Variants in ATL1 observed in about 807,000 individuals in gnomAD.
The protein encoded by ATL1 is atlastin GTPase 1.
ATL1 carries 31 observed loss-of-function variants against 75.5 expected under a neutral mutation model. The observed-to-expected ratio is 0.41, with a 90% CI of 0.31 to 0.55. The LOEUF is 0.55. ATL1 is among the 20% of genes least tolerant of loss of function. ATL1 has a pLI of 0.27. For synonymous variants in ATL1, 226 were observed against 233.3 expected (o/e 0.97, Z 0.28); for missense variants, 405 against 662.6 (o/e 0.61, Z 4.27).
chr14:50,549,041 G>T (rs1051080924), intron 1 of ATL1, among the ~76,000 whole-genome samples: 24 of 152,084 alleles, frequency 1.6e-4, no homozygotes, highest in African/African-American at 5.8e-4. Flanking sequence ...TACAACAAAG[G>T]GGTGCCCTGT....
intron 1 of ATL1, among the ~76,000 whole-genome samples, chr14:50,552,198 A>G (rs1186838364): frequency 6.6e-6 from 1 of 152,188 alleles, no homozygotes; most frequent in East Asian, 1.9e-4. Context: ...AATCAGTAGC[A>G]CTGCTATATA....
intron 1 of ATL1, among the ~76,000 whole-genome samples, chr14:50,575,977 A>G (rs1225255128): frequency 6.6e-6 from 1 of 152,174 alleles, no homozygotes; most frequent in Admixed American, 6.5e-5. Context: ...CCAAGTGTAT[A>G]AAAAGGTGAA....
chr14:50,552,823 A>G (rs887954395), intron 1 of ATL1, among the ~76,000 whole-genome samples: 1 of 152,206 alleles, frequency 6.6e-6, no homozygotes, highest in Non-Finnish European at 1.5e-5. Context: ...GTAGAATGAA[A>G]CTGGATCCTC....
At chr14:50,621,807 A>G (rs761128367) in intron 9 of ATL1, 36 bp from the exon 10 acceptor site, 2 of 1,294,310 alleles carry the variant, frequency 1.5e-6, no homozygotes, top group East Asian at 2.3e-5. Context: ...TATTGAATGG[A>G]ATTGCTTGAA....
chr14:50,563,039 T>C (rs540086064), intron 1 of ATL1, among the ~76,000 whole-genome samples: 3 of 152,370 alleles, frequency 2.0e-5, no homozygotes, highest in African/African-American at 7.2e-5. Flanking sequence ...CCAGGATTCC[T>C]GCTCTGGCAG....
At chr14:50,563,483 T>G (rs74624239) in intron 1 of ATL1, among the ~76,000 whole-genome samples, 5,328 of 152,210 alleles carry the variant, frequency 0.035, 95 homozygotes, top group Middle Eastern at 0.058. Context: ...GTAAGTATTT[T>G]TCAGACAAGT....
chr14:50,592,942 ATATATG>A (rs1309191113), intron 4 of ATL1, among the ~76,000 whole-genome samples: 2 of 131,804 alleles, frequency 1.5e-5, no homozygotes, highest in African/African-American at 6.6e-5. Flanking sequence ...ATATATATAT[ATATATG>A]TGTGTGTGTG....
At chr14:50,585,514 G>A (rs2039093828) in intron 1 of ATL1, among the ~76,000 whole-genome samples, 2 of 152,182 alleles carry the variant, frequency 1.3e-5, no homozygotes, top group South Asian at 4.1e-4. Context: ...CCTTTGTACT[G>A]AGACTGAAAT....
chr14:50,595,013 CAAAA>C (rs1313269945), intron 5 of ATL1, among the ~76,000 whole-genome samples: 3 of 126,814 alleles, frequency 2.4e-5, no homozygotes, highest in East Asian at 4.3e-4. Context: ...AAAAAAAAAA[CAAAA>C]AAGAAAAAAA....
chr14:50,596,816 G>A (rs2039221946), intron 6 of ATL1, among the ~76,000 whole-genome samples: 1 of 152,072 alleles, frequency 6.6e-6, no homozygotes, highest in Non-Finnish European at 1.5e-5. Flanking sequence ...AACATTAAAT[G>A]CTATCATGAA....
In ATL1 at chr14:50,536,351, G is replaced by A. The variant is rs539941369; in HGVS notation, c.-140+2984G>A. The stretch of plus-strand genomic sequence containing the variant: ...CTTGGGAGGCTGAGGCAGGAGAATC[G>A]CTTGAACCCAGGAAGTAGAGGTTGT... On this transcript the variant is annotated intron_variant, in intron 1 of 13. Transcript: ENST00000441560. Among the ~76,000 whole-genome samples the A allele has an allele frequency of 4.6e-5, 7 of 151,030 alleles. No individual in the cohort carries two copies. In the East Asian group the frequency reaches 1.2e-3, roughly 25 times the overall value.
chr14:50,591,457 TC>T, intron 3 of ATL1, 77 bp from the exon 4 acceptor site: 1 of 961,276 alleles, frequency 1.0e-6, no homozygotes, highest in South Asian at 1.4e-5. Flanking sequence ...TTGCTTTAGT[TC>T]TTATATTAAT....
intron 1 of ATL1, among the ~76,000 whole-genome samples, chr14:50,565,240 A>C (rs1040074195): frequency 1.3e-5 from 2 of 152,120 alleles, no homozygotes; most frequent in Admixed American, 1.3e-4. Flanking sequence ...CAGTGAGCCG[A>C]GATCGCACTA....
chr14:50,621,823 ATC>A lies in ATL1; in HGVS notation c.991-18_991-17del, dbSNP rs1393198384. On this transcript the variant is annotated intron_variant, in intron 9 of 13. Transcript: ENST00000358385. Reference sequence around the variant, plus strand: ...ATTGAATGGAATTGCTTGAACATGAATCTTTTTCTTTTTTTTTAGGCTTATAT... The same window carrying A: ...ATTGAATGGAATTGCTTGAACATGAATTTTTCTTTTTTTTTAGGCTTATAT... 1 of 1,497,808 alleles carries A rather than the reference ATC, an allele frequency of 6.7e-7. No homozygotes were observed. The highest frequency in any genetic ancestry group is 9.3e-7 in the Non-Finnish European group (1 of 1,078,116). 92.8% of individuals were successfully genotyped at this position (1,497,808 alleles called of 1,614,324 possible).
chr14:50,613,158 G>A, intron 6 of ATL1, 101 bp from the exon 7 acceptor site: 1 of 907,612 alleles, frequency 1.1e-6, no homozygotes, highest in South Asian at 1.4e-5. Flanking sequence ...ATGTGGGAAA[G>A]AACGATATTC....
In ATL1 at chr14:50,628,156, G is replaced by C; in HGVS notation, c.1245G>C (p.Arg415=). The part of the protein sequence containing the change: ...VKKMGGEEFS[R]RYLQQLESEI... ...AGATGGGTGGGGAAGAATTTAGCCG[G>C]CGTTACCTGCAGCAGTTGGAGAGTG... The change falls in exon 12 of 14, where the codon CGG becomes CGC. Residue 415 remains arginine (R), a synonymous_variant. Coordinates refer to ENST00000358385, the MANE Select transcript of ATL1 (RefSeq NM_015915.5). The C allele has an allele frequency of 6.2e-7, 1 of 1,614,168 alleles. No homozygotes were observed.
intron 1 of ATL1, among the ~76,000 whole-genome samples, chr14:50,549,541 TA>T (rs1220915270): frequency 4.6e-5 from 7 of 152,340 alleles, no homozygotes; most frequent in African/African-American, 1.7e-4. Flanking sequence ...ACAATGGGGC[TA>T]CTACTACACA....
intron 1 of ATL1, among the ~76,000 whole-genome samples, chr14:50,582,678 G>A (rs955022175): frequency 4.0e-5 from 6 of 151,242 alleles, no homozygotes; most frequent in East Asian, 2.0e-4. Flanking sequence ...CACCCGCCTC[G>A]GCCTCCCAAA....
At chr14:50,622,734 A>G (rs1367279662) in intron 10 of ATL1, among the ~76,000 whole-genome samples, 2 of 152,140 alleles carry the variant, frequency 1.3e-5, no homozygotes, top group African/African-American at 4.8e-5. Context: ...GTTCCCTTAT[A>G]TATTTTTAAA....
Sources: allele counts gnomAD v4.1 joint callset (sites outside exome capture counted in the v4.1 genomes callset), GRCh38; gene constraint gnomAD v4.1.1; transcripts MANE v1.5; gene names NCBI Gene and HGNC (gene_info 2026-07-23, HGNC 2026-07-21).